Variants in PIK3C2G observed in about 807,000 individuals in gnomAD.
PIK3C2G encodes the protein phosphatidylinositol 3-kinase C2 domain-containing subunit gamma.
PIK3C2G carries 168 observed loss-of-function variants against 181.1 expected under a neutral mutation model. The observed-to-expected ratio is 0.93, with a 90% CI of 0.82 to 1.05. PIK3C2G has a LOEUF of 1.05. Ranked by LOEUF, PIK3C2G falls within the 50% of genes least tolerant of loss-of-function variation. PIK3C2G has a pLI of 0.00. For synonymous variants in PIK3C2G, 573 were observed against 592.2 expected (o/e 0.97, Z 0.47); for missense variants, 1,869 against 1,732.8 (o/e 1.08, Z -1.40).
the PIK3C2G span, among the ~76,000 whole-genome samples, chr12:18,675,672 C>T: frequency 6.6e-6 from 1 of 152,082 alleles, no homozygotes. Context: ...TATATCTATA[C>T]CATGGAATAC....
chr12:18,433,379 G>A lies in PIK3C2G; in HGVS notation c.2504+9340G>A, dbSNP rs1041594229. Reference sequence around the variant, plus strand: ...AATACAAAAATTAGCTGGGCGTGGTGGCAGGTGCCTGTAATCCTAGCTACT... The same window carrying A: ...AATACAAAAATTAGCTGGGCGTGGTAGCAGGTGCCTGTAATCCTAGCTACT... On this transcript the variant is annotated intron_variant, in intron 18 of 32. Transcript: ENST00000538779. Among the ~76,000 whole-genome samples, 77 of 152,002 alleles carry A rather than the reference G, an allele frequency of 5.1e-4. 1 individual carries two copies. Among genetic ancestry groups the A allele is most frequent in the Admixed American group, 5.0e-3 (77 of 15,260 alleles).
At chr12:18,305,238 C>G (rs910735604) in intron 5 of PIK3C2G, among the ~76,000 whole-genome samples, 3 of 152,136 alleles carry the variant, frequency 2.0e-5, no homozygotes, top group African/African-American at 7.2e-5. Context: ...TATACCTTCA[C>G]TTGAGAGTGA....
intron 4 of PIK3C2G, among the ~76,000 whole-genome samples, chr12:18,293,471 T>C (rs1949798836): frequency 6.6e-6 from 1 of 152,180 alleles, no homozygotes; most frequent in Admixed American, 6.6e-5. Flanking sequence ...TTTATCTTGC[T>C]GATACCCTTA....
At chr12:18,637,035 T>A (rs1005447684) in intron 31 of PIK3C2G, among the ~76,000 whole-genome samples, 7 of 152,114 alleles carry the variant, frequency 4.6e-5, no homozygotes, top group Non-Finnish European at 8.8e-5. Flanking sequence ...AGACATGAGC[T>A]CAAATTCTAT....
intron 24 of PIK3C2G, among the ~76,000 whole-genome samples, chr12:18,510,939 C>G (rs1379182150): frequency 6.6e-6 from 1 of 152,028 alleles, no homozygotes; most frequent in Non-Finnish European, 1.5e-5. Flanking sequence ...AAAGTCTATT[C>G]CTACTGTCTA....
chr12:18,482,622 C>A (rs1387268259), intron 18 of PIK3C2G, among the ~76,000 whole-genome samples: 1 of 152,144 alleles, frequency 6.6e-6, no homozygotes, highest in Non-Finnish European at 1.5e-5. Flanking sequence ...TCTTTGCCCC[C>A]CCTTTTCTCC....
At chr12:18,278,212 T>G (rs1346018006) in intron 1 of PIK3C2G, among the ~76,000 whole-genome samples, 2 of 152,194 alleles carry the variant, frequency 1.3e-5, no homozygotes, top group Non-Finnish European at 2.9e-5. Flanking sequence ...CCCACTGTAC[T>G]AAGATCAAGA....
At chr12:18,658,965 A>T in the PIK3C2G span, among the ~76,000 whole-genome samples, 1 of 152,118 alleles carries the variant, frequency 6.6e-6, no homozygotes. Flanking sequence ...TGGTGAAGAT[A>T]TTATAATCAT....
chr12:18,708,685 T>C, the PIK3C2G span, among the ~76,000 whole-genome samples: 1 of 152,164 alleles, frequency 6.6e-6, no homozygotes, highest in Admixed American at 6.5e-5. Flanking sequence ...ATTTGACTTT[T>C]TGATGAGACC....
chr12:18,520,169 C>T lies in PIK3C2G; in HGVS notation c.3323+14708C>T, dbSNP rs775810536. On this transcript the variant is annotated intron_variant, in intron 24 of 32. Coordinates refer to ENST00000538779, the MANE Select transcript of PIK3C2G (RefSeq NM_001288772.2). ...TTAACATTTTTTCCTTCATTTCAAC[C>T]GTGGAGAATCTGATGATTATGTGTC... Among the ~76,000 whole-genome samples the T allele has an allele frequency of 5.9e-5, 9 of 151,946 alleles. No homozygotes were observed. The East Asian group carries it at 1.2e-3, about 20-fold the overall frequency.
At chr12:18,295,608 C>T (rs1022529300) in intron 5 of PIK3C2G, among the ~76,000 whole-genome samples, 2 of 151,810 alleles carry the variant, frequency 1.3e-5, no homozygotes, top group Non-Finnish European at 1.5e-5. Flanking sequence ...AATAAATGTA[C>T]ATGTTAATGT....
chr12:18,567,236 A>G (rs1945688360), intron 29 of PIK3C2G, among the ~76,000 whole-genome samples, 179 bp downstream of exon 29: 2 of 152,030 alleles, frequency 1.3e-5, no homozygotes, highest in South Asian at 2.1e-4. Flanking sequence ...CATCTCTACA[A>G]AAAATTTTTC....
intron 25 of PIK3C2G, among the ~76,000 whole-genome samples, chr12:18,539,071 T>C (rs1207670779): frequency 6.6e-6 from 1 of 151,658 alleles, no homozygotes; most frequent in Non-Finnish European, 1.5e-5. Flanking sequence ...GGATTTGGAG[T>C]CTATGAAAAA....
At chr12:18,539,557 A>T (rs147166553) in intron 25 of PIK3C2G, among the ~76,000 whole-genome samples, 1 of 151,848 alleles carries the variant, frequency 6.6e-6, no homozygotes, top group East Asian at 1.9e-4. Context: ...CCAGTCTTCA[A>T]TTTCACTGAT....
At chr12:18,487,698 G>A (rs1257724761) in intron 18 of PIK3C2G, among the ~76,000 whole-genome samples, 1 of 152,088 alleles carries the variant, frequency 6.6e-6, no homozygotes, top group Non-Finnish European at 1.5e-5. Context: ...TTCATGATAG[G>A]AGCAGACTTC....
intron 1 of PIK3C2G, among the ~76,000 whole-genome samples, chr12:18,268,911 T>C (rs190231070): frequency 6.6e-6 from 1 of 152,044 alleles, no homozygotes; most frequent in Admixed American, 6.6e-5. Context: ...CAGTCAAAAC[T>C]TAGATTTCTT....
chr12:18,258,544 T>G (rs1948171348), upstream of PIK3C2G, among the ~76,000 whole-genome samples: 1 of 152,108 alleles, frequency 6.6e-6, no homozygotes, highest in African/African-American at 2.4e-5. Context: ...TTTCTTTTTC[T>G]ATGTCTAGCT....
intron 18 of PIK3C2G, among the ~76,000 whole-genome samples, chr12:18,432,491 T>C (rs762295765): frequency 2.0e-5 from 3 of 152,198 alleles, no homozygotes; most frequent in Admixed American, 6.5e-5. Flanking sequence ...TTCCCTATAA[T>C]AATGTTAGTC....
chr12:18,437,973 AATAG>A (rs1380249853), intron 18 of PIK3C2G, among the ~76,000 whole-genome samples: 1 of 151,920 alleles, frequency 6.6e-6, no homozygotes, highest in Non-Finnish European at 1.5e-5. Context: ...CTATGCACAT[AATAG>A]ATAACGCTTG....
Sources: gnomAD v4.1 joint callset for allele counts (sites outside exome capture counted in the v4.1 genomes callset) on GRCh38, gnomAD v4.1.1 for gene constraint, MANE v1.5 for transcripts, NCBI Gene and HGNC (gene_info 2026-07-23, HGNC 2026-07-21) for gene names.